The following MAST2 variants were observed in gnomAD, a reference collection of about 807,000 sequenced individuals.
MAST2 encodes the protein microtubule associated serine/threonine kinase 2, also known as microtubule-associated serine/threonine-protein kinase 2.
A neutral mutation model predicts 147.4 loss-of-function variants in MAST2; 70 were observed. The ratio of observed to expected loss-of-function variants is 0.47; its 90% CI spans 0.39 to 0.58. The LOEUF is 0.58. MAST2 is among the 20% of genes least tolerant of loss of function. The probability of loss-of-function intolerance (pLI) is 0.00; values close to 1 mark genes in which losing one functional copy is unlikely to be tolerated. For missense variants in MAST2, 2,080 were observed against 2,302.3 expected (o/e 0.90, Z 1.98); for synonymous variants, 869 against 896.8 (o/e 0.97, Z 0.55).
chr1:45,812,169 GA>G (rs1447566558), intron 1 of MAST2, among the ~76,000 whole-genome samples: 1 of 152,204 alleles, frequency 6.6e-6, no homozygotes, highest in East Asian at 1.9e-4. Context: ...GAGCATTTGA[GA>G]AATCTTCCGA....
In MAST2 at chr1:46,025,292, C is replaced by T. The variant is rs138468320; in HGVS notation, c.1781-385C>T. Among the ~76,000 whole-genome samples, 617 of 152,124 alleles carry T rather than the reference C, an allele frequency of 4.1e-3. 3 individuals carry two copies. The highest frequency in any genetic ancestry group is 0.014 in the Middle Eastern group (4 of 294). On this transcript the variant is annotated intron_variant, in intron 15 of 28. Transcript: ENST00000361297. ...TGATATCACACCACTGCACTCTAGC[C>T]TGGGTGACAGAGCAAGACTTTGCCT...
At chr1:45,851,369 C>T (rs1400772693) in intron 3 of MAST2, among the ~76,000 whole-genome samples, 6 of 152,110 alleles carry the variant, frequency 3.9e-5, no homozygotes, top group Non-Finnish European at 5.9e-5. Context: ...GAGCCTTTGG[C>T]GGAGTCTTTA....
chr1:45,998,669 C>A (rs549156279), intron 6 of MAST2, among the ~76,000 whole-genome samples: 29 of 151,904 alleles, frequency 1.9e-4, no homozygotes, highest in Non-Finnish European at 3.7e-4. Context: ...AGATTTGTAA[C>A]CTTTAATGGA....
At chr1:45,862,449 CG>C (rs1570420311) in intron 3 of MAST2, among the ~76,000 whole-genome samples, 3 of 146,734 alleles carry the variant, frequency 2.0e-5, no homozygotes, top group Admixed American at 2.0e-4. Context: ...CAAGGGGAGA[CG>C]TTTTTTACTT....
intron 4 of MAST2, among the ~76,000 whole-genome samples, chr1:45,916,805 C>T (rs763106181): frequency 1.6e-4 from 24 of 152,226 alleles, no homozygotes; most frequent in African/African-American, 4.8e-4. Flanking sequence ...AGGCTGGGCA[C>T]GGTGGCTTAC....
intron 4 of MAST2, among the ~76,000 whole-genome samples, chr1:45,889,508 C>T (rs771743368): frequency 7.2e-5 from 11 of 152,172 alleles, no homozygotes; most frequent in Non-Finnish European, 1.5e-4. Context: ...TTTTCTTACT[C>T]TTAGGATCAC....
chr1:45,935,481 G>T (rs866809906), intron 4 of MAST2, among the ~76,000 whole-genome samples: 2 of 152,118 alleles, frequency 1.3e-5, no homozygotes, highest in Non-Finnish European at 2.9e-5. Flanking sequence ...CCTATGTCCA[G>T]AGTGGTATAT....
intron 4 of MAST2, among the ~76,000 whole-genome samples, chr1:45,897,872 A>C (rs1228356083): frequency 6.6e-6 from 1 of 152,108 alleles, no homozygotes; most frequent in Non-Finnish European, 1.5e-5. Context: ...TGGGAGGCCA[A>C]GGCAGGCAGA....
intron 5 of MAST2, among the ~76,000 whole-genome samples, chr1:45,978,859 G>A (rs140942423): frequency 9.1e-4 from 139 of 152,244 alleles, no homozygotes; most frequent in African/African-American, 3.1e-3. Flanking sequence ...GCTAACACTC[G>A]AGTAGAGGGA....
At chr1:45,886,697 G>A (rs565724448) in intron 4 of MAST2, among the ~76,000 whole-genome samples, 95 of 152,146 alleles carry the variant, frequency 6.2e-4, no homozygotes, top group Non-Finnish European at 8.4e-4. Context: ...GTTTACCCAG[G>A]CTAGAAGGGT....
At chr1:45,865,062 ACTGT>A (rs755688491) in intron 3 of MAST2, 2 of 453,320 alleles carry the variant, frequency 4.4e-6, no homozygotes, top group African/African-American at 2.0e-5. Context: ...CTAGTAGTTG[ACTGT>A]CTGGGGAGTG....
Position 46,029,407 on chromosome 1 carries a change from C to T in MAST2, c.2219-59C>T, listed in dbSNP as rs1417868525. 1.3e-5 allele frequency: 18 copies of T among 1,415,282 alleles called. No homozygotes were observed. In the East Asian group the frequency reaches 3.7e-4, roughly 29 times the overall value. 87.7% of individuals were successfully genotyped at this position (1,415,282 alleles called of 1,614,324 possible). A position where few individuals can be genotyped will look rare whatever the true frequency, so the allele number is the denominator to read the frequency against. Reference sequence around the variant, plus strand: ...CCTTTCACTGTTCTGGGACCCTCTTCTGCATCTCTCCACTCTACCCACAAT... The same window carrying T: ...CCTTTCACTGTTCTGGGACCCTCTTTTGCATCTCTCCACTCTACCCACAAT... On this transcript the variant is annotated intron_variant, in intron 18 of 28. Transcript: ENST00000361297.
At position 45,847,256 on chromosome 1, in the gene MAST2, C is replaced by T. The variant is rs1194012095; in HGVS notation, c.468+17675C>T. 8 of 511,176 alleles carry T rather than the reference C, an allele frequency of 1.6e-5. No individual in the cohort carries two copies. In the East Asian group the frequency reaches 1.6e-4, roughly 10 times the overall value. The allele number at this position is 511,176 out of a possible 1,614,324, so 31.7% of individuals were successfully genotyped here. A position where few individuals can be genotyped will look rare whatever the true frequency, so the allele number is the denominator to read the frequency against. ...TATACTGCTGTCCCTCCCGCTCCAT[C>T]GTCTGCTTGATGATGGTGTCCTGGG... is the stretch of plus-strand genomic sequence containing the variant. On this transcript the variant is annotated intron_variant, in intron 3 of 28. Coordinates refer to ENST00000361297, the MANE Select transcript of MAST2 (RefSeq NM_015112.3).
At chr1:45,898,372 T>C (rs1649128569) in intron 4 of MAST2, among the ~76,000 whole-genome samples, 1 of 152,234 alleles carries the variant, frequency 6.6e-6, no homozygotes, top group South Asian at 2.1e-4. Flanking sequence ...TTGCCCATTC[T>C]ACTTCTCTAT....
At chr1:45,916,744 G>A (rs1652587524) in intron 4 of MAST2, among the ~76,000 whole-genome samples, 1 of 152,158 alleles carries the variant, frequency 6.6e-6, no homozygotes, top group Admixed American at 6.5e-5. Flanking sequence ...GCTAATTGAT[G>A]TAGTAAATTT....
At chr1:45,923,074 C>T (rs1171690167) in intron 4 of MAST2, among the ~76,000 whole-genome samples, 1 of 152,192 alleles carries the variant, frequency 6.6e-6, no homozygotes, top group Non-Finnish European at 1.5e-5. Flanking sequence ...GACCTCTGTG[C>T]CCCATGTGCA....
chr1:45,979,643 G>C (rs1383966633), intron 5 of MAST2, among the ~76,000 whole-genome samples: 1 of 152,118 alleles, frequency 6.6e-6, no homozygotes, highest in Non-Finnish European at 1.5e-5. Context: ...GGACAACATA[G>C]TGAGACCCCC....
At chr1:45,813,318 GATT>G (rs548939315) in intron 1 of MAST2, among the ~76,000 whole-genome samples, 1 of 151,628 alleles carries the variant, frequency 6.6e-6, no homozygotes, top group Non-Finnish European at 1.5e-5. Context: ...GGTCCCATAA[GATT>G]ATTATTATTA....
chr1:45,847,892 TA>T (rs1645494582), intron 3 of MAST2, among the ~76,000 whole-genome samples: 1 of 152,152 alleles, frequency 6.6e-6, no homozygotes, highest in African/African-American at 2.4e-5. Flanking sequence ...TTCGCACTGG[TA>T]TATTTACAGT....
Sources: allele counts gnomAD v4.1 joint callset (sites outside exome capture counted in the v4.1 genomes callset), GRCh38; gene constraint gnomAD v4.1.1; transcripts MANE v1.5; gene names NCBI Gene and HGNC (gene_info 2026-07-23, HGNC 2026-07-21).